GALNT9: variants seen among roughly 807,000 people sequenced by gnomAD.
The protein encoded by GALNT9 is GalNAc transferase 9.
A neutral mutation model predicts 63.1 loss-of-function variants in GALNT9; 47 were observed. The ratio of observed to expected loss-of-function variants is 0.75; its 90% confidence interval spans 0.59 to 0.95. The LOEUF (loss-of-function observed/expected upper bound fraction) is 0.95. Ranked by LOEUF, GALNT9 falls within the 40% of genes least tolerant of loss-of-function variation. The pLI is 0.00. For missense variants in GALNT9, 829 were observed against 874.8 expected, an observed-to-expected ratio of 0.95 and a Z score of 0.66; for synonymous variants, 396 against 365.7, an observed-to-expected ratio of 1.08 and a Z score of -0.94.
intron 2 of GALNT9, chr12:132,280,864 ACT>A (rs1185447273): frequency 6.6e-6 from 1 of 151,020 alleles, no homozygotes; most frequent in Admixed American, 6.6e-5. Flanking sequence ...TCTGCCACCT[ACT>A]CTCTGTGGGA....
At chr12:132,249,361 A>C (rs1301759687) in intron 5 of GALNT9, among the ~76,000 whole-genome samples, 1 of 152,216 alleles carries the variant, frequency 6.6e-6, no homozygotes, top group Non-Finnish European at 1.5e-5. Flanking sequence ...GGCCTCTGTC[A>C]TAATTTAAAG....
intron 6 of GALNT9, among the ~76,000 whole-genome samples, chr12:132,225,603 C>A (rs1297046106): frequency 6.7e-6 from 1 of 148,414 alleles, no homozygotes; most frequent in African/African-American, 2.5e-5. Flanking sequence ...TATATATACA[C>A]ACCCCACACA....
At chr12:132,208,545 G>C (rs578093182) in intron 6 of GALNT9, among the ~76,000 whole-genome samples, 68 of 152,314 alleles carry the variant, frequency 4.5e-4, no homozygotes, top group African/African-American at 1.6e-3. Flanking sequence ...CACTCACACC[G>C]ATCTCTGTCT....
intron 5 of GALNT9, among the ~76,000 whole-genome samples, chr12:132,254,456 A>G (rs1381974445): frequency 6.6e-6 from 1 of 152,024 alleles, no homozygotes; most frequent in East Asian, 1.9e-4. Flanking sequence ...ATTACTCCTG[A>G]TCCTCCAGCA....
chr12:132,219,294 G>A (rs1224488265), intron 6 of GALNT9, among the ~76,000 whole-genome samples: 1 of 152,220 alleles, frequency 6.6e-6, no homozygotes, highest in Non-Finnish European at 1.5e-5. Context: ...CAGCACCACA[G>A]ACATAGAACC....
chr12:132,196,614 C>A lies in GALNT9; in HGVS notation c.*493G>T, dbSNP rs1437926621. The A allele has an allele frequency of 5.0e-6, 5 of 990,558 alleles. No homozygotes were observed. The highest frequency in any genetic ancestry group is 1.7e-5 in the African/African-American group (1 of 57,284). 61.4% of individuals were successfully genotyped at this position (990,558 alleles called of 1,614,324 possible). A position where few individuals can be genotyped will look rare whatever the true frequency, so the allele number is the denominator to read the frequency against. ...TCCATGTCCTCCAGCACCCCTCTTACCAGACCACAAGGAGCTGCATTATGA... is the reference window on the plus strand; with the variant it reads ...TCCATGTCCTCCAGCACCCCTCTTAACAGACCACAAGGAGCTGCATTATGA... On this transcript the variant is annotated 3_prime_UTR_variant, in exon 11 of 11. Coordinates refer to ENST00000328957, the MANE Select transcript of GALNT9 (RefSeq NM_001122636.2).
intron 6 of GALNT9, among the ~76,000 whole-genome samples, chr12:132,244,701 A>G (rs571206478): frequency 1.3e-4 from 2 of 15,882 alleles, no homozygotes; most frequent in African/African-American, 7.0e-4. Context: ...ATGGGGCTGG[A>G]CGGGGGGGCG....
intron 2 of GALNT9, among the ~76,000 whole-genome samples, chr12:132,267,843 A>ACACACGCACT (rs1879688384): frequency 6.8e-6 from 1 of 148,012 alleles, no homozygotes. Context: ...ACACATGCAT[A>ACACACGCACT]CAACCCACAT....
At chr12:132,305,062 C>T (rs1555244477) in intron 1 of GALNT9, among the ~76,000 whole-genome samples, 1 of 76,118 alleles carries the variant, frequency 1.3e-5, no homozygotes, top group Non-Finnish European at 2.3e-5. Context: ...CAGAATCGCC[C>T]AGACACACCC....
At chr12:132,287,575 C>T (rs934364794) in intron 1 of GALNT9, among the ~76,000 whole-genome samples, 7 of 152,230 alleles carry the variant, frequency 4.6e-5, no homozygotes, top group East Asian at 3.9e-4. Flanking sequence ...GACCTCATCC[C>T]GTGTGGCCGC....
intron 7 of GALNT9, 30 bp from the exon 8 acceptor site, chr12:132,201,291 C>T (rs755776902): frequency 1.4e-5 from 22 of 1,558,836 alleles, no homozygotes; most frequent in African/African-American, 2.7e-5. Context: ...TGAGAGGGTA[C>T]ATGGGTGTCA....
At position 132,282,384 on chromosome 12, in the gene GALNT9, A is replaced by G. The variant is rs529223477; in HGVS notation, c.419+3866T>C. ...CAATTCAGATGTGCTTAAAGAAAAA[A>G]CTAAAAATACGTGTGTGCGCGTGTG... is the stretch of plus-strand genomic sequence containing the variant. On this transcript the variant is annotated intron_variant, in intron 2 of 10. Coordinates refer to ENST00000328957, the MANE Select transcript of GALNT9 (RefSeq NM_001122636.2). The surrounding 1 kb of genome is among the most constrained non-coding windows in gnomAD (Gnocchi z 4.5). Among the ~76,000 whole-genome samples, 5 of 152,258 alleles carry G rather than the reference A, an allele frequency of 3.3e-5. No individual in the cohort carries two copies. The South Asian group carries it at 6.2e-4, about 19-fold the overall frequency.
rs1037148205 is a variant in GALNT9, at chr12:132,252,814, C to T, written c.960-4787G>A. ...AGGAGAATCGCTTGAACCTGGGAGG[C>T]GGAGGTTGTGGTGAGCCGAGATCGC... On this transcript the variant is annotated intron_variant, in intron 5 of 10. Coordinates refer to ENST00000328957, the MANE Select transcript of GALNT9 (RefSeq NM_001122636.2). The surrounding 1 kb of genome is among the most constrained non-coding windows in gnomAD (Gnocchi z 5.2). 6.0e-5 allele frequency among the ~76,000 whole-genome samples: 9 copies of T among 151,122 alleles called. No individual in the cohort carries two copies. Among genetic ancestry groups the T allele is most frequent in the African/African-American group, 7.3e-5 (3 of 41,038 alleles).
In GALNT9 at chr12:132,196,594, G is replaced by T. The variant is rs1332967575; in HGVS notation, c.*513C>A. On this transcript the variant is annotated 3_prime_UTR_variant, in exon 11 of 11. Transcript: ENST00000328957. ...CGGCCTCAGGTTTGTCGCTGTCCATGTCCTCCAGCACCCCTCTTACCAGAC... is the reference window on the plus strand; with the variant it reads ...CGGCCTCAGGTTTGTCGCTGTCCATTTCCTCCAGCACCCCTCTTACCAGAC... 8.1e-6 allele frequency: 8 copies of T among 987,258 alleles called. No individual in the cohort carries two copies. Among genetic ancestry groups the T allele is most frequent in the Non-Finnish European group, 9.6e-6 (8 of 831,226 alleles). 61.2% of individuals were successfully genotyped at this position (987,258 alleles called of 1,614,324 possible).
intron 6 of GALNT9, among the ~76,000 whole-genome samples, chr12:132,205,173 C>T (rs956269390): frequency 6.6e-6 from 1 of 151,606 alleles, no homozygotes; most frequent in Non-Finnish European, 1.5e-5. Flanking sequence ...TCCCTTTTCC[C>T]AAAGAGGGCC....
rs1881404196 is a variant in GALNT9 at position 132,303,479 on chromosome 12, GGGCACAGAATCGCCCA to G, written c.239-17065_239-17050del. ...CCCTCGCCCGGACACACCCTCACCCGGGCACAGAATCGCCCAGACACACCCTCGCCTGGGCACACCC... is the reference window on the plus strand; with the variant it reads ...CCCTCGCCCGGACACACCCTCACCCGGACACACCCTCGCCTGGGCACACCC... On this transcript the variant is annotated intron_variant, in intron 1 of 10. Transcript: ENST00000328957. Among the ~76,000 whole-genome samples the G allele has an allele frequency of 3.9e-4, 19 of 48,608 alleles. 1 individual carries two copies. The highest frequency in any genetic ancestry group is 1.8e-3 in the African/African-American group (16 of 9,098). The allele number at this position is 48,608 out of a possible 152,430, so 31.9% of individuals were successfully genotyped here.
intron 1 of GALNT9, among the ~76,000 whole-genome samples, chr12:132,291,756 G>T (rs1302129805): frequency 6.6e-6 from 1 of 152,176 alleles, no homozygotes; most frequent in Non-Finnish European, 1.5e-5. Context: ...CACCCCTGGA[G>T]ACCAGATGCG....
intron 2 of GALNT9, among the ~76,000 whole-genome samples, chr12:132,267,745 G>GCACACACA (rs530490538): frequency 7.5e-6 from 1 of 132,462 alleles, no homozygotes; most frequent in African/African-American, 4.1e-5. Context: ...AAATACACAA[G>GCACACACA]CACACACACT....
chr12:132,266,029 CGCCGT>C (rs1566005378), intron 2 of GALNT9, among the ~76,000 whole-genome samples: 123 of 148,984 alleles, frequency 8.3e-4, no homozygotes, highest in African/African-American at 3.1e-3. Flanking sequence ...CGCCCGACCT[CGCCGT>C]ATTTCATCAA....
Sources: gnomAD v4.1 joint callset for allele counts (sites outside exome capture counted in the v4.1 genomes callset) on GRCh38, gnomAD v4.1.1 for gene constraint, Gnocchi (gnomAD v3.1) non-coding constraint, MANE v1.5 for transcripts, NCBI Gene and HGNC (gene_info 2026-07-23, HGNC 2026-07-21) for gene names.